Variants in FAM174B observed in about 807,000 individuals in gnomAD.
FAM174B encodes the protein membrane protein FAM174B.
Under a neutral mutation model 10.9 loss-of-function variants are expected in FAM174B, and 12 were observed. The observed-to-expected ratio is 1.10, with a 90% CI of 0.71 to 1.79. The LOEUF (loss-of-function observed/expected upper bound fraction) is 1.79, where lower values mean the gene tolerates loss of function less well. Among genes scored for constraint, FAM174B ranks in the 40% most tolerant of loss-of-function variants. FAM174B has a pLI of 0.00. For synonymous variants in FAM174B, 132 were observed against 115.8 expected (o/e 1.14, Z -0.90); for missense variants, 266 against 233.3 (o/e 1.14, Z -0.91).
At chr15:92,628,891 AT>A (rs902171397) in intron 2 of FAM174B, among the ~76,000 whole-genome samples, 2 of 152,232 alleles carry the variant, frequency 1.3e-5, no homozygotes, top group African/African-American at 4.8e-5. Context: ...TTATACATAA[AT>A]TTTTTAAAGT....
chr15:92,632,802 C>T (rs979366308), intron 1 of FAM174B, among the ~76,000 whole-genome samples: 55 of 152,026 alleles, frequency 3.6e-4, no homozygotes, highest in African/African-American at 1.3e-3. Context: ...GGATGACAGG[C>T]GTGGGACACC....
rs201211873 is a variant in FAM174B, at chr15:92,630,169, C to A, written c.476+45G>T. ...TGCCTGACCTCGAGGTCCCACCAAC[C>A]CACTGCCCCAAGCCCAGGAGGAAGC... is the stretch of plus-strand genomic sequence containing the variant. On this transcript the variant is annotated intron_variant, in intron 2 of 2. Coordinates refer to ENST00000327355, the MANE Select transcript of FAM174B (RefSeq NM_207446.3). 355 of 1,604,612 alleles carry A rather than the reference C, an allele frequency of 2.2e-4. 1 individual carries two copies. Among genetic ancestry groups the A allele is most frequent in the East Asian group, 9.9e-4 (44 of 44,640 alleles).
intron 2 of FAM174B, among the ~76,000 whole-genome samples, chr15:92,624,463 A>T (rs2050740257): frequency 6.6e-6 from 1 of 152,240 alleles, no homozygotes; most frequent in Non-Finnish European, 1.5e-5. Context: ...GAGTGTGCTT[A>T]GCAACTGCCA....
Position 92,630,286 on chromosome 15 carries a change from C to A in FAM174B, c.404G>T (p.Arg135Leu). 6.2e-7 allele frequency: 1 copy of A among 1,613,746 alleles called. No homozygotes were observed. The highest frequency in any genetic ancestry group is 1.1e-5 in the South Asian group (1 of 91,056). Residue 135 changes from arginine to leucine, a missense_variant, in exon 2 of 3, where the codon CGA becomes CTA. By Grantham distance (102) the Arg-to-Leu change is moderately radical. Coordinates refer to ENST00000327355, the MANE Select transcript of FAM174B (RefSeq NM_207446.3). ...TTCATTTAGTGGCGCCATTTCCACT[C>A]GCTCTGCTGGAGTGGTGATGATATC... is the stretch of plus-strand genomic sequence containing the variant. ...KYDIITTPAE[R>L]VEMAPLNEED...
chr15:92,630,716 A>AT (rs367614578), intron 1 of FAM174B, among the ~76,000 whole-genome samples: 5 of 128,534 alleles, frequency 3.9e-5, no homozygotes, highest in East Asian at 4.7e-4. Context: ...ATAATTATAT[A>AT]TTTTTTATAT....
At chr15:92,627,935 C>T (rs1317840948) in intron 2 of FAM174B, among the ~76,000 whole-genome samples, 2 of 152,138 alleles carry the variant, frequency 1.3e-5, no homozygotes, top group African/African-American at 4.8e-5. Context: ...CACGGACATC[C>T]CTTGGTATCC....
chr15:92,619,583 C>T (rs1375480265), intron 2 of FAM174B, 124 bp from the exon 3 acceptor site: 6 of 1,140,134 alleles, frequency 5.3e-6, no homozygotes, highest in East Asian at 2.4e-5. Context: ...TCCCCAGCCA[C>T]AGGACCTTTG....
chr15:92,617,743 A>T lies in FAM174B; in HGVS notation c.*1713T>A, dbSNP rs1290946478. The stretch of plus-strand genomic sequence containing the variant: ...ACTCAGGCCTGAGTACACCGTGGAG[A>T]GGAGAGATAAAGCAGCCACGGCTGT... On this transcript the variant is annotated 3_prime_UTR_variant, in exon 3 of 3. Transcript: ENST00000327355. 9.8e-6 allele frequency: 6 copies of T among 609,648 alleles called. No homozygotes were observed. The South Asian group carries it at 1.1e-4, about 11-fold the overall frequency. The allele number at this position is 609,648 out of a possible 1,614,324, so 37.8% of individuals were successfully genotyped here.
rs1208295485 is a variant in FAM174B at position 92,630,315 on chromosome 15, C to T, written c.375G>A (p.Lys125=). 4 of 1,613,518 alleles carry T rather than the reference C, an allele frequency of 2.5e-6. No individual in the cohort carries two copies. Among genetic ancestry groups the T allele is most frequent in the Non-Finnish European group, 3.4e-6 (4 of 1,179,738 alleles). The change falls in exon 2 of 3, where the codon AAG becomes AAA. Residue 125 remains lysine, a synonymous_variant. Transcript: ENST00000327355. The part of the protein sequence containing the change: ...RSGKRLKKTR[K]YDIITTPAER... ...CTGCTGGAGTGGTGATGATATCATA[C>T]TTGCGTGTCTTCTTTAACCTCTTTC...
intron 1 of FAM174B, among the ~76,000 whole-genome samples, chr15:92,649,514 T>C (rs1349865066): frequency 1.3e-5 from 2 of 152,242 alleles, no homozygotes; most frequent in African/African-American, 2.4e-5. Flanking sequence ...TATTTTTCAA[T>C]ATAATAGGAC....
rs1036274140 is a variant in FAM174B at position 92,638,199 on chromosome 15, A to G, written c.345-7854T>C. Among the ~76,000 whole-genome samples the G allele has an allele frequency of 4.6e-5, 7 of 152,352 alleles. No individual in the cohort carries two copies. The South Asian group carries it at 1.0e-3, about 23-fold the overall frequency. The stretch of plus-strand genomic sequence containing the variant: ...TCCTTTTATTAATAAATAAATGTCC[A>G]TATTGTCTTCACAGGAATAGGCAAG... On this transcript the variant is annotated intron_variant, in intron 1 of 2. Coordinates refer to ENST00000327355, the MANE Select transcript of FAM174B (RefSeq NM_207446.3).
intron 1 of FAM174B, among the ~76,000 whole-genome samples, chr15:92,632,710 C>T (rs912455272): frequency 2.0e-5 from 3 of 151,410 alleles, no homozygotes; most frequent in South Asian, 4.2e-4. Flanking sequence ...GTAGTAGAGA[C>T]GAGGTCTTGT....
chr15:92,628,338 CTTTTTTTTTTTT>C, intron 2 of FAM174B, among the ~76,000 whole-genome samples: 1 of 84,918 alleles, frequency 1.2e-5, no homozygotes, highest in African/African-American at 5.0e-5. Context: ...CTAATTTTTG[CTTTTTTTTTTTT>C]TTTTTTTTTT....
chr15:92,650,072 A>G (rs555018307), intron 1 of FAM174B, among the ~76,000 whole-genome samples: 2 of 152,362 alleles, frequency 1.3e-5, no homozygotes, highest in South Asian at 4.1e-4. Flanking sequence ...ATATTGATAT[A>G]CCATGAAATA....
At chr15:92,654,193 A>G (rs150973579) in intron 1 of FAM174B, among the ~76,000 whole-genome samples, 1 of 152,316 alleles carries the variant, frequency 6.6e-6, no homozygotes, top group Non-Finnish European at 1.5e-5. Context: ...AGCTCAATAC[A>G]TAGATGGCTC....
intron 2 of FAM174B, among the ~76,000 whole-genome samples, chr15:92,625,418 A>AT (rs2050746715): frequency 6.6e-6 from 1 of 152,228 alleles, no homozygotes; most frequent in Non-Finnish European, 1.5e-5. Flanking sequence ...GATTCATCTG[A>AT]TTTAAATGTA....
chr15:92,643,600 T>G (rs960069072), intron 1 of FAM174B, among the ~76,000 whole-genome samples: 7 of 152,134 alleles, frequency 4.6e-5, no homozygotes, highest in Non-Finnish European at 1.0e-4. Context: ...ATCATTAAAA[T>G]AAATTTTGAA....
At chr15:92,637,723 C>A (rs1460956812) in intron 1 of FAM174B, among the ~76,000 whole-genome samples, 2 of 152,220 alleles carry the variant, frequency 1.3e-5, no homozygotes, top group Non-Finnish European at 2.9e-5. Context: ...TGAGGACAAA[C>A]AACCGGCAAC....
At chr15:92,633,218 C>T (rs939889494) in intron 1 of FAM174B, among the ~76,000 whole-genome samples, 1 of 152,152 alleles carries the variant, frequency 6.6e-6, no homozygotes, top group African/African-American at 2.4e-5. Flanking sequence ...AAGACACACG[C>T]GAGATCTCTT....
Sources: allele counts gnomAD v4.1 joint callset (sites outside exome capture counted in the v4.1 genomes callset), GRCh38; gene constraint gnomAD v4.1.1; transcripts MANE v1.5; gene names NCBI Gene and HGNC (gene_info 2026-07-23, HGNC 2026-07-21).